TPH2: variants seen among roughly 807,000 people sequenced by gnomAD.
TPH2 encodes tryptophan 5-hydroxylase 2.
Under a neutral mutation model 59.1 loss-of-function variants are expected in TPH2, and 27 were observed. That is an observed-to-expected ratio of 0.46 (90% CI 0.34 to 0.63). The LOEUF (loss-of-function observed/expected upper bound fraction) is 0.63, where lower values mean the gene tolerates loss of function less well. Among genes scored for constraint, TPH2 ranks in the 30% least tolerant of loss-of-function variants. The probability of loss-of-function intolerance (pLI) is 0.01; values close to 1 mark genes in which losing one functional copy is unlikely to be tolerated. For synonymous variants in TPH2, 220 were observed against 210.5 expected, an observed-to-expected ratio of 1.05 and a Z score of -0.39; for missense variants, 523 against 588.3, an observed-to-expected ratio of 0.89 and a Z score of 1.15.
chr12:71,949,447 G>A, intron 4 of TPH2, 141 bp from the exon 5 acceptor site: 1 of 680,868 alleles, frequency 1.5e-6, no homozygotes. Flanking sequence ...ATTTGTTTCT[G>A]TCTGTGTCAT....
intron 9 of TPH2, among the ~76,000 whole-genome samples, chr12:72,024,861 A>G (rs1218874461): frequency 1.3e-5 from 2 of 152,200 alleles, no homozygotes; most frequent in Non-Finnish European, 2.9e-5. Flanking sequence ...GCTCTGGTCC[A>G]TTACCTCTAG....
intron 5 of TPH2, among the ~76,000 whole-genome samples, chr12:71,966,889 C>T (rs1183540443): frequency 6.6e-6 from 1 of 152,138 alleles, no homozygotes; most frequent in Non-Finnish European, 1.5e-5. Flanking sequence ...ATTATGAATT[C>T]TAGCAGCAAG....
At chr12:72,002,757 C>CT (rs35633991) in intron 8 of TPH2, among the ~76,000 whole-genome samples, 38,532 of 143,746 alleles carry the variant, frequency 0.27, 4,968 homozygotes, top group African/African-American at 0.31. Context: ...TTTTATTTTA[C>CT]TTTTTTTTTT....
At chr12:71,994,376 G>T in intron 7 of TPH2, 63 bp from the exon 8 acceptor site, 2 of 1,597,960 alleles carry the variant, frequency 1.3e-6, no homozygotes, top group South Asian at 2.2e-5. Flanking sequence ...TTTAAGTCTT[G>T]TTCTACCAGT....
chr12:71,955,265 C>G lies in TPH2; in HGVS notation c.608+5610C>G, dbSNP rs114348206. On this transcript the variant is annotated intron_variant, in intron 5 of 10. Transcript: ENST00000333850. ...ATTGCTCAGCCTCAGTTTTTCTCCT[C>G]TGTAAAATGGAGACAAAACTATCTC... Among the ~76,000 whole-genome samples, 386 of 152,314 alleles carry G rather than the reference C, an allele frequency of 2.5e-3. 2 individuals carry two copies. The highest frequency in any genetic ancestry group is 8.8e-3 in the African/African-American group (367 of 41,560).
At chr12:71,952,389 G>T (rs947825802) in intron 5 of TPH2, among the ~76,000 whole-genome samples, 1 of 152,096 alleles carries the variant, frequency 6.6e-6, no homozygotes, top group African/African-American at 2.4e-5. Flanking sequence ...AGGTTCAAGG[G>T]GCCTGGCTGT....
chr12:71,980,441 C>T (rs892938969), intron 7 of TPH2, among the ~76,000 whole-genome samples: 1 of 151,978 alleles, frequency 6.6e-6, no homozygotes, highest in African/African-American at 2.4e-5. Flanking sequence ...CTGAAGCACC[C>T]CTCATTTTCC....
intron 5 of TPH2, among the ~76,000 whole-genome samples, chr12:71,960,414 T>C (rs1871645564): frequency 6.6e-6 from 1 of 152,268 alleles, no homozygotes; most frequent in Admixed American, 6.5e-5. Context: ...GAAGTCTTAG[T>C]GTATTTGAAA....
chr12:71,981,968 GTTGTT>G (rs1872289807), intron 7 of TPH2, among the ~76,000 whole-genome samples: 1 of 133,338 alleles, frequency 7.5e-6, no homozygotes, highest in African/African-American at 2.8e-5. Context: ...CTCACTTGGG[GTTGTT>G]TTTACAAGCC....
Position 72,031,356 on chromosome 12 carries a change from T to G in TPH2, c.1263T>G (p.Val421=). Residue 421 remains valine (V), a synonymous_variant, in exon 10 of 11, where the codon GTT becomes GTG. Coordinates refer to ENST00000333850, the MANE Select transcript of TPH2 (RefSeq NM_173353.4). The stretch of plus-strand genomic sequence containing the variant: ...CCACCTTCCAGGAAGCCTACTTTGT[T>G]TCAGAAAGTTTTGAAGAAGCCAAAG... ...LITTFQEAYF[V]SESFEEAKEK... 1 of 1,613,734 alleles carries G rather than the reference T, an allele frequency of 6.2e-7. No homozygotes were observed. The highest frequency in any genetic ancestry group is 8.5e-7 in the Non-Finnish European group (1 of 1,179,680).
chr12:71,941,766 A>G (rs1416893284), intron 2 of TPH2, 33 bp downstream of exon 2: 1 of 1,603,568 alleles, frequency 6.2e-7, no homozygotes, highest in Non-Finnish European at 8.5e-7. Context: ...TAATTTTAAA[A>G]GTGACCGTGT....
intron 6 of TPH2, among the ~76,000 whole-genome samples, chr12:71,978,461 A>T (rs1246627284): frequency 6.6e-6 from 1 of 152,234 alleles, no homozygotes; most frequent in Non-Finnish European, 1.5e-5. Context: ...ACAGAAAACA[A>T]TATAGAGTGA....
intron 5 of TPH2, among the ~76,000 whole-genome samples, chr12:71,954,459 C>T (rs890131440): frequency 1.3e-5 from 2 of 152,106 alleles, no homozygotes; most frequent in African/African-American, 2.4e-5. Flanking sequence ...CCTCTCCTCC[C>T]CCGCCCAAAT....
At position 72,029,037 on chromosome 12, in the gene TPH2, G is replaced by A. The variant is rs189786149; in HGVS notation, c.1165-2221G>A. 4.6e-3 allele frequency among the ~76,000 whole-genome samples: 695 copies of A among 152,284 alleles called. 4 individuals carry two copies. The highest frequency in any genetic ancestry group is 7.5e-3 in the Admixed American group (115 of 15,282). ...CTATCCAGTGGAATTGTCACAAAAT[G>A]ATATTTTTTCCAAAACCACACTGAT... On this transcript the variant is annotated intron_variant, in intron 9 of 10. Transcript: ENST00000333850.
intron 7 of TPH2, among the ~76,000 whole-genome samples, chr12:71,990,221 C>T (rs1016511754): frequency 3.3e-5 from 5 of 152,178 alleles, no homozygotes; most frequent in Admixed American, 1.3e-4. Context: ...TAGTTGTGAA[C>T]TCACATCGGG....
At chr12:71,940,889 G>T (rs1871039802) in intron 1 of TPH2, among the ~76,000 whole-genome samples, 1 of 152,024 alleles carries the variant, frequency 6.6e-6, no homozygotes, top group Admixed American at 6.6e-5. Flanking sequence ...AGCTGGCCAG[G>T]TTTCTTCCTT....
rs143889446 is a variant in TPH2, at chr12:72,008,532, G to T, written c.1069-13867G>T. 8.8e-4 allele frequency among the ~76,000 whole-genome samples: 134 copies of T among 152,292 alleles called. 3 individuals are homozygous for T. In the East Asian group the frequency reaches 0.014, roughly 16 times the overall value. On this transcript the variant is annotated intron_variant, in intron 8 of 10. Coordinates refer to ENST00000333850, the MANE Select transcript of TPH2 (RefSeq NM_173353.4). ...TGTGAGTCTCACAATGGCACTTCAA[G>T]GGAGGCAGGACTCATATTGTCCCTT... is the stretch of plus-strand genomic sequence containing the variant.
At chr12:71,996,105 A>T (rs1872687596) in intron 8 of TPH2, among the ~76,000 whole-genome samples, 1 of 152,212 alleles carries the variant, frequency 6.6e-6, no homozygotes, top group South Asian at 2.1e-4. Flanking sequence ...TGTAGTCAAG[A>T]TGCTGGCTGG....
intron 7 of TPH2, among the ~76,000 whole-genome samples, chr12:71,980,349 C>T (rs779954441): frequency 1.3e-5 from 2 of 152,056 alleles, no homozygotes; most frequent in Admixed American, 6.5e-5. Flanking sequence ...CCATGGTCTT[C>T]GCTGGGGAGC....
Sources: allele counts gnomAD v4.1 joint callset (sites outside exome capture counted in the v4.1 genomes callset), GRCh38; gene constraint gnomAD v4.1.1; transcripts MANE v1.5; gene names NCBI Gene and HGNC (gene_info 2026-07-23, HGNC 2026-07-21).